Variants in POLR3B observed in about 807,000 individuals in gnomAD.
POLR3B encodes the protein DNA-directed RNA polymerase III subunit RPC2.
In POLR3B, 96 loss-of-function variants were observed where a neutral mutation model predicts 147.4. The ratio of observed to expected loss-of-function variants is 0.65; its 90% CI spans 0.55 to 0.77. The LOEUF is 0.77. Among genes scored for constraint, POLR3B ranks in the 30% least tolerant of loss-of-function variants. The pLI, the probability that POLR3B is intolerant of heterozygous loss-of-function variation, is 0.00. For synonymous variants in POLR3B, 461 were observed against 485.9 expected, an observed-to-expected ratio of 0.95 and a Z score of 0.67; for missense variants, 1,036 against 1,413.5, an observed-to-expected ratio of 0.73 and a Z score of 4.28.
intron 12 of POLR3B, among the ~76,000 whole-genome samples, chr12:106,421,318 A>T (rs974531756): frequency 6.6e-6 from 1 of 152,092 alleles, no homozygotes; most frequent in Non-Finnish European, 1.5e-5. Context: ...TTGCCTAGTC[A>T]TGGAGTCAGA....
At chr12:106,445,569 A>G (rs1240569528) in intron 19 of POLR3B, among the ~76,000 whole-genome samples, 2 of 152,162 alleles carry the variant, frequency 1.3e-5, no homozygotes, top group African/African-American at 4.8e-5. Context: ...GGTAATACAG[A>G]GAGAATACCA....
chr12:106,415,112 G>A (rs1259745429), intron 12 of POLR3B, among the ~76,000 whole-genome samples: 1 of 152,162 alleles, frequency 6.6e-6, no homozygotes, highest in African/African-American at 2.4e-5. Flanking sequence ...GTAACTGTTA[G>A]AGCACAGGCC....
chr12:106,437,054 T>G lies in POLR3B; in HGVS notation c.1782-3T>G, dbSNP rs763506015. 2.2e-5 allele frequency: 36 copies of G among 1,611,988 alleles called. No individual in the cohort carries two copies. Among genetic ancestry groups the G allele is most frequent in the Non-Finnish European group, 3.0e-5 (35 of 1,178,478 alleles). ...TTAATTTGGTTTGCTGTTTCCATTCTAGACCCTACATAATTGTCAAGAAAC... is the reference window on the plus strand; with the variant it reads ...TTAATTTGGTTTGCTGTTTCCATTCGAGACCCTACATAATTGTCAAGAAAC... On this transcript the variant is annotated splice_polypyrimidine_tract_variant and splice_region_variant and intron_variant, in intron 16 of 27. Coordinates refer to ENST00000228347, the MANE Select transcript of POLR3B (RefSeq NM_018082.6).
intron 12 of POLR3B, among the ~76,000 whole-genome samples, chr12:106,426,311 G>A (rs1458712756): frequency 6.6e-6 from 1 of 151,228 alleles, no homozygotes; most frequent in East Asian, 1.9e-4. Context: ...GAGTGTAGTG[G>A]CGCAATCTCG....
intron 12 of POLR3B, among the ~76,000 whole-genome samples, chr12:106,417,796 T>C (rs1362987373): frequency 1.3e-5 from 2 of 152,046 alleles, no homozygotes; most frequent in Non-Finnish European, 2.9e-5. Context: ...TACTATTTTT[T>C]ACTTCGGAAA....
chr12:106,455,280 A>T (rs930750050), intron 20 of POLR3B, among the ~76,000 whole-genome samples: 2 of 152,136 alleles, frequency 1.3e-5, no homozygotes, highest in African/African-American at 4.8e-5. Context: ...ACATCACCTG[A>T]TCTGAAGTCT....
At chr12:106,367,279 A>G (rs778681084) in intron 4 of POLR3B, among the ~76,000 whole-genome samples, 2 of 152,252 alleles carry the variant, frequency 1.3e-5, no homozygotes, top group African/African-American at 4.8e-5. Context: ...GAAAAATTGC[A>G]AAAGTAGTAC....
chr12:106,422,854 G>A (rs1164570645), intron 12 of POLR3B, among the ~76,000 whole-genome samples: 1 of 151,988 alleles, frequency 6.6e-6, no homozygotes, highest in African/African-American at 2.4e-5. Flanking sequence ...AGTCTTCTAG[G>A]GATTCTAATT....
chr12:106,360,063 G>C, intron 1 of POLR3B, among the ~76,000 whole-genome samples: 1 of 152,178 alleles, frequency 6.6e-6, no homozygotes, highest in East Asian at 1.9e-4. Context: ...AAAGTCCTGA[G>C]TTCTTAATCT....
At chr12:106,478,268 C>T (rs1048016221) in intron 23 of POLR3B, among the ~76,000 whole-genome samples, 7 of 152,072 alleles carry the variant, frequency 4.6e-5, no homozygotes, top group Admixed American at 2.0e-4. Context: ...AAAATACAGG[C>T]GTCTAGGTAA....
chr12:106,421,726 G>A (rs576264657), intron 12 of POLR3B, among the ~76,000 whole-genome samples: 2 of 151,932 alleles, frequency 1.3e-5, no homozygotes, highest in African/African-American at 4.8e-5. Context: ...TTGAGACAGA[G>A]TCTGGCTCTA....
chr12:106,392,881 A>C lies in POLR3B; in HGVS notation c.724-150A>C, dbSNP rs192701060. The C allele has an allele frequency of 5.7e-6, 5 of 881,150 alleles. No homozygotes were observed. The East Asian group carries it at 1.0e-4, about 18-fold the overall frequency. 54.6% of individuals were successfully genotyped at this position (881,150 alleles called of 1,614,324 possible). A position where few individuals can be genotyped will look rare whatever the true frequency, so the allele number is the denominator to read the frequency against. On this transcript the variant is annotated intron_variant, in intron 9 of 27. Coordinates refer to ENST00000228347, the MANE Select transcript of POLR3B (RefSeq NM_018082.6). ...TTCAGGTTTTTCTGCAGCTTGGGCAAGGCTGCCAATGCCAGATGGCACCAT... is the reference window on the plus strand; with the variant it reads ...TTCAGGTTTTTCTGCAGCTTGGGCACGGCTGCCAATGCCAGATGGCACCAT...
intron 23 of POLR3B, among the ~76,000 whole-genome samples, chr12:106,486,691 A>G (rs552077600): frequency 4.6e-5 from 7 of 152,344 alleles, no homozygotes; most frequent in African/African-American, 1.7e-4. Flanking sequence ...AATGCCTGCC[A>G]AAGCCCCATA....
At chr12:106,491,278 C>T (rs554345874) in intron 23 of POLR3B, among the ~76,000 whole-genome samples, 3 of 152,242 alleles carry the variant, frequency 2.0e-5, no homozygotes, top group East Asian at 3.9e-4. Context: ...AGTGGTGCTT[C>T]CCCCGCACCC....
intron 23 of POLR3B, among the ~76,000 whole-genome samples, chr12:106,467,244 C>T (rs913471913): frequency 3.9e-5 from 6 of 152,104 alleles, no homozygotes; most frequent in Non-Finnish European, 8.8e-5. Flanking sequence ...CATGATTTTG[C>T]TCTCTGTTTG....
rs927955077 is a variant in POLR3B, at chr12:106,369,203, A to C, written c.228-72A>C. 7.3e-6 allele frequency: 6 copies of C among 827,246 alleles called. No individual in the cohort carries two copies. The Admixed American group carries it at 1.0e-4, about 14-fold the overall frequency. The allele number at this position is 827,246 out of a possible 1,614,324, so 51.2% of individuals were successfully genotyped here. ...ATCAAAACATAATCTTTGTATTTGG[A>C]AGGAAAATAGCTTGTTTGCTTTTAT... On this transcript the variant is annotated intron_variant, in intron 4 of 27. Coordinates refer to ENST00000228347, the MANE Select transcript of POLR3B (RefSeq NM_018082.6).
intron 25 of POLR3B, among the ~76,000 whole-genome samples, chr12:106,499,046 CTA>C (rs2038551150): frequency 6.6e-6 from 1 of 152,178 alleles, no homozygotes; most frequent in African/African-American, 2.4e-5. Flanking sequence ...CCTATTAAAA[CTA>C]TAATAATATG....
At chr12:106,417,656 A>C (rs1475703768) in intron 12 of POLR3B, among the ~76,000 whole-genome samples, 23 of 152,156 alleles carry the variant, frequency 1.5e-4, no homozygotes. Flanking sequence ...TAGAAAAAAA[A>C]ATTAGCATCA....
intron 21 of POLR3B, among the ~76,000 whole-genome samples, chr12:106,458,620 G>T (rs998319954): frequency 1.3e-5 from 2 of 152,148 alleles, no homozygotes; most frequent in Admixed American, 6.6e-5. Context: ...CCTGTGGGCG[G>T]TGAATGCTTT....
Sources: gnomAD v4.1 joint callset for allele counts (sites outside exome capture counted in the v4.1 genomes callset) on GRCh38, gnomAD v4.1.1 for gene constraint, MANE v1.5 for transcripts, NCBI Gene and HGNC (gene_info 2026-07-23, HGNC 2026-07-21) for gene names.